Variants in CTNND2 observed in about 807,000 individuals in gnomAD.
CTNND2 encodes catenin delta 2.
In CTNND2, 22 loss-of-function variants were observed where a neutral mutation model predicts 144.4. The observed-to-expected ratio is 0.15, with a 90% CI of 0.11 to 0.22. The LOEUF is 0.22. Ranked by LOEUF, CTNND2 falls within the 10% of genes least tolerant of loss-of-function variation. The pLI, the probability that CTNND2 is intolerant of heterozygous loss-of-function variation, is 1.00. For synonymous variants in CTNND2, 751 were observed against 695.6 expected, an observed-to-expected ratio of 1.08 and a Z score of -1.25; for missense variants, 1,353 against 1,618.8, an observed-to-expected ratio of 0.84 and a Z score of 2.82.
chr5:11,856,496 T>C (rs1005670270), intron 1 of CTNND2, among the ~76,000 whole-genome samples: 7 of 152,146 alleles, frequency 4.6e-5, no homozygotes, highest in Non-Finnish European at 8.8e-5. Flanking sequence ...AGTATCAATC[T>C]GAGTGTCGAA....
intron 2 of CTNND2, among the ~76,000 whole-genome samples, chr5:11,710,183 C>G (rs73043412): frequency 2.0e-5 from 3 of 152,146 alleles, no homozygotes; most frequent in South Asian, 4.2e-4. Context: ...AGCCAAGAAC[C>G]ATTTATCTGG....
At chr5:11,706,868 G>A (rs1379902694) in intron 2 of CTNND2, among the ~76,000 whole-genome samples, 4 of 151,924 alleles carry the variant, frequency 2.6e-5, no homozygotes, top group South Asian at 2.1e-4. Flanking sequence ...GGCGGATCAC[G>A]AGGTCAGGAG....
intron 3 of CTNND2, among the ~76,000 whole-genome samples, chr5:11,499,575 C>T (rs1286605900): frequency 6.6e-6 from 1 of 152,232 alleles, no homozygotes; most frequent in Admixed American, 6.5e-5. Flanking sequence ...AAATCCAAGG[C>T]ATCCTGCCAT....
chr5:11,058,858 T>C (rs530223289), intron 16 of CTNND2, among the ~76,000 whole-genome samples: 1 of 152,318 alleles, frequency 6.6e-6, no homozygotes, highest in Non-Finnish European at 1.5e-5. Flanking sequence ...AGACATGGAA[T>C]CAAAGCAGGT....
chr5:11,090,408 G>A (rs1484203900), intron 15 of CTNND2, among the ~76,000 whole-genome samples: 1 of 152,220 alleles, frequency 6.6e-6, no homozygotes, highest in Non-Finnish European at 1.5e-5. Flanking sequence ...CCCCCGGGCC[G>A]CAGACCAGTA....
intron 2 of CTNND2, among the ~76,000 whole-genome samples, chr5:11,583,247 C>T (rs1778576831): frequency 6.6e-6 from 1 of 152,212 alleles, no homozygotes; most frequent in Non-Finnish European, 1.5e-5. Flanking sequence ...ATCCTGAGCT[C>T]CATGCTGATC....
At chr5:11,524,201 C>T (rs1032380119) in intron 3 of CTNND2, among the ~76,000 whole-genome samples, 3 of 152,132 alleles carry the variant, frequency 2.0e-5, no homozygotes, top group Non-Finnish European at 2.9e-5. Context: ...CACCTTCCCA[C>T]GTCCCCTCCA....
intron 11 of CTNND2, among the ~76,000 whole-genome samples, chr5:11,165,634 T>C (rs79468840): frequency 0.029 from 4,480 of 152,266 alleles, 158 homozygotes; most frequent in East Asian, 0.09. Flanking sequence ...GTTCCAAATA[T>C]AATTTTGAAA....
intron 18 of CTNND2, among the ~76,000 whole-genome samples, chr5:11,010,602 GC>G (rs1406115554): frequency 1.3e-5 from 2 of 152,244 alleles, no homozygotes; most frequent in Non-Finnish European, 2.9e-5. Context: ...CCACAAGCAA[GC>G]TGCGAAAGAT....
At chr5:11,492,622 AT>A (rs1009067047) in intron 3 of CTNND2, among the ~76,000 whole-genome samples, 23 of 151,946 alleles carry the variant, frequency 1.5e-4, no homozygotes, top group African/African-American at 5.1e-4. Context: ...TAAAATAAAA[AT>A]TTCTATACAT....
intron 1 of CTNND2, among the ~76,000 whole-genome samples, chr5:11,896,470 A>G (rs544344965): frequency 1.2e-4 from 18 of 152,300 alleles, no homozygotes; most frequent in African/African-American, 4.3e-4. Context: ...AAAGGCGAGA[A>G]AATGTAAGTA....
chr5:11,579,268 G>A (rs1343988975), intron 2 of CTNND2, among the ~76,000 whole-genome samples: 1 of 151,788 alleles, frequency 6.6e-6, no homozygotes, highest in Non-Finnish European at 1.5e-5. Flanking sequence ...TAAGAATGTA[G>A]CAGTGATAAA....
intron 16 of CTNND2, among the ~76,000 whole-genome samples, chr5:11,053,561 A>T (rs1184285339): frequency 6.6e-6 from 1 of 152,208 alleles, no homozygotes; most frequent in Non-Finnish European, 1.5e-5. Context: ...GGTATTAAAG[A>T]CGCAGCACTG....
At chr5:11,167,828 T>C (rs911711233) in intron 11 of CTNND2, among the ~76,000 whole-genome samples, 7 of 151,498 alleles carry the variant, frequency 4.6e-5, no homozygotes, top group Non-Finnish European at 1.0e-4. Flanking sequence ...CCTCCGCCAC[T>C]TGAGTAGCTA....
intron 1 of CTNND2, among the ~76,000 whole-genome samples, chr5:11,891,616 G>C (rs1217993030): frequency 6.6e-6 from 1 of 152,206 alleles, no homozygotes; most frequent in African/African-American, 2.4e-5. Context: ...ACAGATGAGA[G>C]ATCTACAAAA....
chr5:11,499,982 T>A (rs777402797), intron 3 of CTNND2, among the ~76,000 whole-genome samples: 1 of 152,134 alleles, frequency 6.6e-6, no homozygotes, highest in African/African-American at 2.4e-5. Context: ...AGATAAGTGA[T>A]CTTTATTTTT....
chr5:11,894,840 C>A (rs1737269389), intron 1 of CTNND2, among the ~76,000 whole-genome samples: 1 of 152,202 alleles, frequency 6.6e-6, no homozygotes, highest in African/African-American at 2.4e-5. Context: ...TACCCAAAAC[C>A]AACCCAAAGC....
At chr5:11,583,707 G>C (rs1404398734) in intron 2 of CTNND2, among the ~76,000 whole-genome samples, 1 of 152,130 alleles carries the variant, frequency 6.6e-6, no homozygotes, top group African/African-American at 2.4e-5. Flanking sequence ...AAACAGAGAG[G>C]TCAGGTTTAT....
At position 11,385,103 on chromosome 5, in the gene CTNND2, C is replaced by CG. The variant is rs1561314992; in HGVS notation, c.738dup (p.Ala247ArgfsTer179). ...GAGTAGTAGAGCGCGGCGGCGGCGG[C>CG]GGCGGGCGGCGCGTCGGGCAGGTGG... On this transcript the variant is annotated frameshift_variant, in exon 7 of 22. Transcript: ENST00000304623. LOFTEE classifies it high-confidence loss of function. 1.1e-5 allele frequency: 11 copies of CG among 1,031,516 alleles called. No individual in the cohort carries two copies. The highest frequency in any genetic ancestry group is 4.0e-5 in the South Asian group (1 of 25,238). 63.9% of individuals were successfully genotyped at this position (1,031,516 alleles called of 1,614,324 possible).
Sources: gnomAD v4.1 joint callset for allele counts (sites outside exome capture counted in the v4.1 genomes callset) on GRCh38, gnomAD v4.1.1 for gene constraint, MANE v1.5 for transcripts, NCBI Gene and HGNC (gene_info 2026-07-23, HGNC 2026-07-21) for gene names.